Variants in CPEB1 observed in about 807,000 individuals in gnomAD.
CPEB1 encodes the protein cytoplasmic polyadenylation element binding protein 1, also known as cytoplasmic polyadenylation element-binding protein 1.
In CPEB1, 7 loss-of-function variants were observed where a neutral mutation model predicts 65.8. The ratio of observed to expected loss-of-function variants is 0.11; its 90% CI spans 0.06 to 0.20. The LOEUF (loss-of-function observed/expected upper bound fraction) is 0.20, where lower values mean the gene tolerates loss of function less well. Ranked by LOEUF, CPEB1 falls within the 10% of genes least tolerant of loss-of-function variation. The pLI is 1.00. For missense variants in CPEB1, 551 were observed against 712.2 expected (o/e 0.77, Z 2.58); for synonymous variants, 262 against 260.0 (o/e 1.01, Z -0.08).
At chr15:82,621,576 C>A (rs2045305258) in intron 3 of CPEB1, among the ~76,000 whole-genome samples, 1 of 151,712 alleles carries the variant, frequency 6.6e-6, no homozygotes, top group Non-Finnish European at 1.5e-5. Context: ...CAAGATCCCG[C>A]CATTGCACTC....
chr15:82,599,231 A>G (rs783529), intron 3 of CPEB1, among the ~76,000 whole-genome samples: 61,756 of 151,866 alleles, frequency 0.41, 12,637 homozygotes, highest in South Asian at 0.49. Flanking sequence ...GATTGGAAAC[A>G]CTCCTCACTA....
At chr15:82,553,784 G>A (rs945767551) in intron 7 of CPEB1, 94 bp downstream of exon 7, 7 of 916,694 alleles carry the variant, frequency 7.6e-6, no homozygotes, top group South Asian at 2.8e-5. Context: ...GCTCAGGCAG[G>A]GCATTCAGCC....
chr15:82,580,647 A>C (rs1315802435), intron 3 of CPEB1, among the ~76,000 whole-genome samples: 1 of 152,116 alleles, frequency 6.6e-6, no homozygotes, highest in Non-Finnish European at 1.5e-5. Context: ...GCTAAGCTAA[A>C]ATTTTGTACC....
chr15:82,632,343 T>G (rs1177702095), intron 1 of CPEB1, among the ~76,000 whole-genome samples: 1 of 152,132 alleles, frequency 6.6e-6, no homozygotes, highest in Non-Finnish European at 1.5e-5. Flanking sequence ...TTATACAATA[T>G]TTTTAGTAAT....
chr15:82,609,488 G>A (rs538510724), intron 3 of CPEB1, among the ~76,000 whole-genome samples: 2 of 150,798 alleles, frequency 1.3e-5, no homozygotes, highest in East Asian at 2.0e-4. Flanking sequence ...GCAACAGAGC[G>A]AGAGCCTGTC....
chr15:82,592,951 T>C (rs926093685), intron 3 of CPEB1, among the ~76,000 whole-genome samples: 5 of 152,032 alleles, frequency 3.3e-5, no homozygotes, highest in African/African-American at 1.2e-4. Flanking sequence ...GAGCCAAGAT[T>C]GCGCTGCTAC....
At chr15:82,638,913 T>TTGC (rs2046881268) in intron 1 of CPEB1, among the ~76,000 whole-genome samples, 1 of 152,220 alleles carries the variant, frequency 6.6e-6, no homozygotes, top group Admixed American at 6.5e-5. Context: ...TTTAATGGCA[T>TTGC]TGCCCTGATT....
chr15:82,591,479 C>G (rs1389747707), intron 3 of CPEB1, among the ~76,000 whole-genome samples: 7 of 152,152 alleles, frequency 4.6e-5, no homozygotes, highest in Admixed American at 2.6e-4. Context: ...TTTGGCCAGG[C>G]TGGTCTCAAA....
At chr15:82,610,019 C>G (rs2043978974) in intron 3 of CPEB1, among the ~76,000 whole-genome samples, 1 of 148,342 alleles carries the variant, frequency 6.7e-6, no homozygotes, top group South Asian at 2.1e-4. Context: ...GAGATCACCC[C>G]ACTGCACTCC....
chr15:82,556,399 T>A, intron 5 of CPEB1: 1 of 317,022 alleles, frequency 3.2e-6, no homozygotes, highest in African/African-American at 2.2e-5. Context: ...TACATCTCAC[T>A]GACCCATACT....
intron 3 of CPEB1, among the ~76,000 whole-genome samples, chr15:82,617,866 T>G (rs890637615): frequency 6.7e-6 from 1 of 148,888 alleles, no homozygotes; most frequent in East Asian, 2.0e-4. Flanking sequence ...CCCAAGTAGC[T>G]GGGACTACAG....
At chr15:82,549,786 T>C (rs2150937850) in intron 9 of CPEB1, 128 bp from the exon 10 acceptor site, 1 of 857,492 alleles carries the variant, frequency 1.2e-6, no homozygotes, top group South Asian at 1.7e-5. Flanking sequence ...GAAAAGGTGC[T>C]GTTGCCCAAT....
At chr15:82,638,692 G>A (rs963686250) in intron 1 of CPEB1, 1 of 152,176 alleles carries the variant, frequency 6.6e-6, no homozygotes, top group Non-Finnish European at 1.5e-5. Context: ...TTGAAACTCA[G>A]TCACATTTCC....
rs559406848 is a variant in CPEB1 at position 82,563,767 on chromosome 15, A to G, written c.461-5781T>C. ...CAATAGGAGGTTCTGGATAAAAAGG[A>G]TTACAAATATTCTTTGTATAATTTT... On this transcript the variant is annotated intron_variant, in intron 4 of 12. Transcript: ENST00000684509. 1.3e-4 allele frequency among the ~76,000 whole-genome samples: 20 copies of G among 152,308 alleles called. No individual in the cohort carries two copies. In the East Asian group the frequency reaches 2.7e-3, roughly 21 times the overall value.
In CPEB1 at chr15:82,549,643, A is replaced by C; in HGVS notation, c.1297T>G (p.Trp433Gly). 6.2e-7 allele frequency: 1 copy of C among 1,614,186 alleles called. No individual in the cohort carries two copies. Reference sequence around the variant, plus strand: ...ACAAAGTTACTGTCGGCTAATACCCAGGGGATCACCTGCACCTGAAAACCA... The same window carrying C: ...ACAAAGTTACTGTCGGCTAATACCCCGGGGATCACCTGCACCTGAAAACCA... ...MRCKEVQVIPWVLADSNFVRS... is the reference protein window; with the variant it reads ...MRCKEVQVIPGVLADSNFVRS... The change falls in exon 10 of 13, where the codon TGG becomes GGG. Residue 433 changes from tryptophan to glycine, a missense_variant. Transcript: ENST00000684509.
chr15:82,621,799 G>A (rs2045327311), intron 3 of CPEB1, among the ~76,000 whole-genome samples: 1 of 152,130 alleles, frequency 6.6e-6, no homozygotes, highest in Non-Finnish European at 1.5e-5. Flanking sequence ...TTATATTTCA[G>A]TTTTTAAAAA....
chr15:82,597,855 A>G (rs1214211379), intron 3 of CPEB1, among the ~76,000 whole-genome samples: 1 of 152,222 alleles, frequency 6.6e-6, no homozygotes, highest in Non-Finnish European at 1.5e-5. Flanking sequence ...ATGGATTCAA[A>G]GTGGAAGGAG....
chr15:82,601,843 C>T (rs1004458514), intron 3 of CPEB1, among the ~76,000 whole-genome samples: 1 of 152,050 alleles, frequency 6.6e-6, no homozygotes, highest in Non-Finnish European at 1.5e-5. Context: ...TTAATAAAAG[C>T]ATACAAAAAT....
intron 3 of CPEB1, among the ~76,000 whole-genome samples, chr15:82,613,739 C>A (rs1049893336): frequency 6.6e-6 from 1 of 152,186 alleles, no homozygotes; most frequent in Non-Finnish European, 1.5e-5. Flanking sequence ...ACAACTTCAG[C>A]ATATTTAAAG....
Sources: allele counts gnomAD v4.1 joint callset (sites outside exome capture counted in the v4.1 genomes callset), GRCh38; gene constraint gnomAD v4.1.1; transcripts MANE v1.5; gene names NCBI Gene and HGNC (gene_info 2026-07-23, HGNC 2026-07-21).